SLC6A15: variants seen among roughly 807,000 people sequenced by gnomAD.
SLC6A15 encodes solute carrier family 6 member 15.
SLC6A15 carries 33 observed loss-of-function variants against 68.5 expected under a neutral mutation model. That is an observed-to-expected ratio of 0.48 (90% confidence interval 0.37 to 0.64). SLC6A15 has a LOEUF of 0.64. Ranked by LOEUF, SLC6A15 falls within the 30% of genes least tolerant of loss-of-function variation. The pLI is 0.00. For missense variants in SLC6A15, 747 were observed against 874.3 expected (o/e 0.85, Z 1.84); for synonymous variants, 347 against 301.0 (o/e 1.15, Z -1.58).
At chr12:84,892,701 C>A (rs547747660) in intron 1 of SLC6A15, among the ~76,000 whole-genome samples, 2 of 152,326 alleles carry the variant, frequency 1.3e-5, no homozygotes, top group South Asian at 4.1e-4. Flanking sequence ...CAAACCAACG[C>A]TGTAAATTTG....
intron 1 of SLC6A15, among the ~76,000 whole-genome samples, chr12:84,896,683 A>G (rs576890500): frequency 3.3e-5 from 5 of 152,358 alleles, no homozygotes; most frequent in African/African-American, 1.2e-4. Context: ...AAATGGAAAG[A>G]TAGAGGTGAT....
At chr12:84,878,620 T>C (rs7969872) in intron 5 of SLC6A15, among the ~76,000 whole-genome samples, 6,384 of 152,162 alleles carry the variant, frequency 0.042, 398 homozygotes, top group African/African-American at 0.14. Flanking sequence ...TGATTTTATC[T>C]AATAAAATAT....
At chr12:84,885,197 C>G (rs960718109) in intron 4 of SLC6A15, among the ~76,000 whole-genome samples, 2 of 152,068 alleles carry the variant, frequency 1.3e-5, no homozygotes, top group African/African-American at 2.4e-5. Flanking sequence ...GCTTATAATA[C>G]TTTACCCTAA....
chr12:84,912,268 C>T (rs920972840), intron 1 of SLC6A15, among the ~76,000 whole-genome samples: 1 of 152,108 alleles, frequency 6.6e-6, no homozygotes, highest in Non-Finnish European at 1.5e-5. Flanking sequence ...ATGTGCTTCC[C>T]CTTACATGTG....
intron 1 of SLC6A15, among the ~76,000 whole-genome samples, chr12:84,908,907 A>C (rs1873305533): frequency 6.6e-6 from 1 of 151,476 alleles, no homozygotes; most frequent in Non-Finnish European, 1.5e-5. Context: ...AGCTTCATTT[A>C]AAAAACTACT....
chr12:84,875,949 A>T (rs956424533), intron 6 of SLC6A15, among the ~76,000 whole-genome samples: 3 of 151,528 alleles, frequency 2.0e-5, no homozygotes, highest in Non-Finnish European at 2.9e-5. Flanking sequence ...AAAACTACAA[A>T]ACCTCAAAAA....
intron 1 of SLC6A15, among the ~76,000 whole-genome samples, chr12:84,903,245 GTTT>G (rs1487122188): frequency 1.3e-5 from 2 of 152,098 alleles, no homozygotes; most frequent in Non-Finnish European, 2.9e-5. Flanking sequence ...TAGACAAAAA[GTTT>G]TTAAGACAAA....
chr12:84,862,120 G>T, intron 11 of SLC6A15, 114 bp from the exon 12 acceptor site: 1 of 1,086,582 alleles, frequency 9.2e-7, no homozygotes, highest in Non-Finnish European at 1.3e-6. Context: ...TTTGTGACTT[G>T]CTTTGACCAA....
intron 3 of SLC6A15, 112 bp downstream of exon 3, chr12:84,885,799 C>T (rs1163739993): frequency 1.7e-6 from 2 of 1,167,950 alleles, no homozygotes; most frequent in Non-Finnish European, 2.4e-6. Flanking sequence ...TTTTCTAAAA[C>T]ATAGTAAAAG....
intron 1 of SLC6A15, among the ~76,000 whole-genome samples, chr12:84,903,620 C>T (rs1017232150): frequency 2.2e-4 from 34 of 152,182 alleles, no homozygotes; most frequent in African/African-American, 8.2e-4. Flanking sequence ...CTGGTGGCTG[C>T]TGGCATTCCT....
At chr12:84,887,339 C>T (rs114936555) in intron 2 of SLC6A15, among the ~76,000 whole-genome samples, 6,194 of 152,192 alleles carry the variant, frequency 0.041, 397 homozygotes, top group African/African-American at 0.14. Context: ...AACACAAATA[C>T]ATAGTGAGTA....
At chr12:84,912,267 C>T (rs1266305598) in intron 1 of SLC6A15, among the ~76,000 whole-genome samples, 1 of 152,136 alleles carries the variant, frequency 6.6e-6, no homozygotes, top group South Asian at 2.1e-4. Context: ...CATGTGCTTC[C>T]CCTTACATGT....
chr12:84,862,810 T>A (rs1870907965), intron 11 of SLC6A15, among the ~76,000 whole-genome samples: 1 of 152,162 alleles, frequency 6.6e-6, no homozygotes, highest in Non-Finnish European at 1.5e-5. Flanking sequence ...GATTGAGTGA[T>A]TGATAGTGAC....
rs1256238428 is a variant in SLC6A15 at position 84,875,697 on chromosome 12, TATGAG to T, written c.867+795_867+799del. Reference sequence around the variant, plus strand: ...ATATATATATATATATATATATATATATGAGAATCAAAAACGTGGTCCCTGTTAAA... The same window carrying T: ...ATATATATATATATATATATATATATAATCAAAAACGTGGTCCCTGTTAAA... On this transcript the variant is annotated intron_variant, in intron 6 of 11. Coordinates refer to ENST00000266682, the MANE Select transcript of SLC6A15 (RefSeq NM_182767.6). 4.1e-3 allele frequency among the ~76,000 whole-genome samples: 30 copies of T among 7,372 alleles called. 7 individuals are homozygous for T. Among genetic ancestry groups the T allele is most frequent in the Non-Finnish European group, 5.6e-3 (25 of 4,500 alleles). The allele number at this position is 7,372 out of a possible 152,430, so 4.8% of individuals were successfully genotyped here.
At position 84,860,556 on chromosome 12, in the gene SLC6A15, G is replaced by A. The variant is rs886708816; in HGVS notation, c.*1076C>T. 6.6e-6 allele frequency: 1 copy of A among 152,080 alleles called. No individual in the cohort carries two copies. The highest frequency in any genetic ancestry group is 1.5e-5 in the Non-Finnish European group (1 of 67,984). The allele number at this position is 152,080 out of a possible 1,614,324, so 9.4% of individuals were successfully genotyped here. On this transcript the variant is annotated 3_prime_UTR_variant, in exon 12 of 12. Coordinates refer to ENST00000266682, the MANE Select transcript of SLC6A15 (RefSeq NM_182767.6). ...ATGTAATTCATCCCACTTGGAATGT[G>A]ATGTTTAGTTATTATGAAATGTCTA...
At chr12:84,864,389 G>A (rs1272634794) in intron 10 of SLC6A15, among the ~76,000 whole-genome samples, 8 of 144,530 alleles carry the variant, frequency 5.5e-5, no homozygotes, top group Admixed American at 1.4e-4. Flanking sequence ...GCACAATCTC[G>A]ACTCACTGCA....
At chr12:84,903,201 C>T (rs1221679685) in intron 1 of SLC6A15, among the ~76,000 whole-genome samples, 1 of 152,010 alleles carries the variant, frequency 6.6e-6, no homozygotes, top group Non-Finnish European at 1.5e-5. Flanking sequence ...CAAAGATAGA[C>T]AATCTTTCAA....
chr12:84,912,247 C>T (rs564349762), intron 1 of SLC6A15, among the ~76,000 whole-genome samples: 4 of 152,248 alleles, frequency 2.6e-5, no homozygotes, highest in African/African-American at 7.2e-5. Flanking sequence ...GATGGCGGCA[C>T]GTTTCAACCC....
At chr12:84,876,364 G>C (rs1451705307) in intron 6 of SLC6A15, 133 bp downstream of exon 6, 4 of 491,240 alleles carry the variant, frequency 8.1e-6, no homozygotes, top group African/African-American at 4.1e-5. Context: ...TCCTAGACTG[G>C]TTAACAACTA....
Sources: gnomAD v4.1 joint callset for allele counts (sites outside exome capture counted in the v4.1 genomes callset) on GRCh38, gnomAD v4.1.1 for gene constraint, MANE v1.5 for transcripts, NCBI Gene and HGNC (gene_info 2026-07-23, HGNC 2026-07-21) for gene names.